The following BZW1 variants were observed in gnomAD, a reference collection of about 807,000 sequenced individuals.
BZW1 encodes basic leucine zipper and W2 domains 1.
BZW1 carries 3 observed loss-of-function variants against 54.1 expected under a neutral mutation model. The ratio of observed to expected loss-of-function variants is 0.06; its 90% CI spans 0.03 to 0.14. The LOEUF (loss-of-function observed/expected upper bound fraction) is 0.14, where lower values mean the gene tolerates loss of function less well. BZW1 is among the 10% of genes least tolerant of loss of function. The pLI is 1.00. For missense variants in BZW1, 206 were observed against 491.7 expected, an observed-to-expected ratio of 0.42 and a Z score of 5.50; for synonymous variants, 152 against 162.7, an observed-to-expected ratio of 0.93 and a Z score of 0.50.
chr2:200,820,286 TTTA>T, intron 10 of BZW1, 166 bp downstream of exon 10: 1 of 564,392 alleles, frequency 1.8e-6, no homozygotes, highest in Non-Finnish European at 3.0e-6. Context: ...CTGATACTTG[TTTA>T]AAACATCTAA....
chr2:200,818,084 G>A lies in BZW1; in HGVS notation c.648+1G>A. The A allele has an allele frequency of 6.5e-7, 1 of 1,545,890 alleles. No individual in the cohort carries two copies. The highest frequency in any genetic ancestry group is 8.7e-7 in the Non-Finnish European group (1 of 1,142,896). On this transcript the variant is annotated splice_donor_variant, in intron 7 of 11. Coordinates refer to ENST00000409600, the MANE Select transcript of BZW1 (RefSeq NM_001207067.2). LOFTEE classifies it high-confidence loss of function. ...AGTCAGCATGGATAACAGACTGATG[G>A]TTGGTAACTTTTTTTCATTCTTCCC...
At chr2:200,818,130 T>C in intron 7 of BZW1, 47 bp downstream of exon 7, 1 of 1,515,598 alleles carries the variant, frequency 6.6e-7, no homozygotes, top group Non-Finnish European at 8.9e-7. Flanking sequence ...AGGATGTAAA[T>C]GAGAGAAATT....
intron 9 of BZW1, 164 bp downstream of exon 9, chr2:200,819,065 C>G (rs531953587): frequency 1.2e-6 from 1 of 821,744 alleles, no homozygotes; most frequent in South Asian, 2.2e-5. Context: ...TGATAATGCT[C>G]TGAATTGGGC....
intron 8 of BZW1, 110 bp downstream of exon 8, chr2:200,818,503 ATG>A: frequency 2.3e-6 from 3 of 1,289,012 alleles, no homozygotes; most frequent in Non-Finnish European, 2.2e-6. Flanking sequence ...TAGTAACAGG[ATG>A]TTATACTGGA....
chr2:200,821,178 TC>T lies in BZW1; in HGVS notation c.1106-3del. ...CTCCCTTAATGCAATGAGTTTTCTT[TC>T]CAGCTGAAGTCCTGAGCGAGGAGCC... is the stretch of plus-strand genomic sequence containing the variant. On this transcript the variant is annotated splice_polypyrimidine_tract_variant and splice_region_variant and intron_variant, in intron 10 of 11. Transcript: ENST00000409600. 6.2e-7 allele frequency: 1 copy of T among 1,611,422 alleles called. No individual in the cohort carries two copies. The highest frequency in any genetic ancestry group is 8.5e-7 in the Non-Finnish European group (1 of 1,179,492).
intron 1 of BZW1, chr2:200,812,605 A>G (rs1362673241): frequency 7.3e-7 from 1 of 1,363,308 alleles, no homozygotes; most frequent in Non-Finnish European, 9.7e-7. Flanking sequence ...AAGGGTGTGG[A>G]TTGGGAGACA....
At chr2:200,817,935 G>A (rs1220216361) in intron 6 of BZW1, 39 bp from the exon 7 acceptor site, 2 of 1,386,544 alleles carry the variant, frequency 1.4e-6, no homozygotes, top group Non-Finnish European at 2.0e-6. Context: ...TTGAAACCAG[G>A]GAAGGTACTT....
rs538034646 is a variant in BZW1, at chr2:200,812,408, A to G, written c.-11+418A>G. On this transcript the variant is annotated intron_variant, in intron 1 of 11. Transcript: ENST00000409600. ...GCTGCTTTCGCTGGAGGGCGGGCGG[A>G]TGTACGGGGCGCCTGGGGCCCCGGC... The G allele has an allele frequency of 4.7e-6, 6 of 1,278,448 alleles. No individual in the cohort carries two copies. The African/African-American group carries it at 7.7e-5, about 16-fold the overall frequency. 79.2% of individuals were successfully genotyped at this position (1,278,448 alleles called of 1,614,324 possible).
intron 10 of BZW1, 26 bp from the exon 11 acceptor site, chr2:200,821,157 C>A: frequency 6.2e-7 from 1 of 1,610,330 alleles, no homozygotes; most frequent in South Asian, 1.1e-5. Flanking sequence ...TTAAAACTCC[C>A]TTAATGCAAT....
At position 200,827,126 on chromosome 2, in the gene BZW1, G is replaced by A. The variant is rs2038722450; in HGVS notation, c.*4948G>A. 1 of 152,102 alleles carries A rather than the reference G, an allele frequency of 6.6e-6. No individual in the cohort carries two copies. Among genetic ancestry groups the A allele is most frequent in the Non-Finnish European group, 1.5e-5 (1 of 68,034 alleles). The allele number at this position is 152,102 out of a possible 1,614,324, so 9.4% of individuals were successfully genotyped here. On this transcript the variant is annotated 3_prime_UTR_variant, in exon 12 of 12. Transcript: ENST00000409600. ...CACCTCATTTCCATTCTAGTTAGGA[G>A]CAATGGCGCCCAGGACGGCACACAG... is the stretch of plus-strand genomic sequence containing the variant.
chr2:200,815,319 T>TTTGGG (rs1483703778), intron 2 of BZW1, 22 bp from the exon 3 acceptor site: 2 of 1,574,454 alleles, frequency 1.3e-6, no homozygotes, highest in Non-Finnish European at 1.7e-6. Context: ...AACTAAATGT[T>TTTGGG]TTGGGTCCCT....
chr2:200,826,407 A>AGATTTTTT lies in BZW1; in HGVS notation c.*4229_*4230insGATTTTTT, dbSNP rs1559318394. 1 of 54,948 alleles carries AGATTTTTT rather than the reference A, an allele frequency of 1.8e-5. No homozygotes were observed. Among genetic ancestry groups the AGATTTTTT allele is most frequent in the African/African-American group, 8.5e-5 (1 of 11,774 alleles). 3.4% of individuals were successfully genotyped at this position (54,948 alleles called of 1,614,324 possible). ...TAGATAGATAGATAGATAGATAGAT[A>AGATTTTTT]TTTTTTTTTTTTTTTTTTTTTTTTT... is the stretch of plus-strand genomic sequence containing the variant. On this transcript the variant is annotated 3_prime_UTR_variant, in exon 12 of 12. Coordinates refer to ENST00000409600, the MANE Select transcript of BZW1 (RefSeq NM_001207067.2).
At chr2:200,813,327 C>G (rs1350407470) in intron 2 of BZW1, 46 bp downstream of exon 2, 9 of 1,509,354 alleles carry the variant, frequency 6.0e-6, no homozygotes, top group Non-Finnish European at 8.3e-6. Context: ...TCCAGAACAT[C>G]TTGTGTATCT....
At chr2:200,812,360 C>G in intron 1 of BZW1, 1 of 1,282,346 alleles carries the variant, frequency 7.8e-7, no homozygotes, top group Non-Finnish European at 9.8e-7. Flanking sequence ...CCACCCACCA[C>G]CGCTGCGGCC....
intron 10 of BZW1, 93 bp downstream of exon 10, chr2:200,820,213 C>G (rs1559314321): frequency 3.4e-6 from 4 of 1,165,804 alleles, no homozygotes; most frequent in Middle Eastern, 2.1e-4. Flanking sequence ...GACATCAGCT[C>G]CCTGAAATAT....
intron 1 of BZW1, 157 bp downstream of exon 1, chr2:200,812,147 C>T: frequency 9.2e-7 from 1 of 1,090,138 alleles, no homozygotes; most frequent in African/African-American, 1.6e-5. Flanking sequence ...CCTGAAAGGC[C>T]GCCGCTTCGG....
intron 5 of BZW1, 38 bp downstream of exon 5, chr2:200,816,428 T>C (rs1014008335): frequency 5.7e-6 from 8 of 1,401,254 alleles, no homozygotes; most frequent in Admixed American, 3.9e-5. Context: ...AAGAAAAAAA[T>C]AGGGTTAGAA....
At chr2:200,816,971 T>C in intron 5 of BZW1, 135 bp from the exon 6 acceptor site, 1 of 1,042,522 alleles carries the variant, frequency 9.6e-7, no homozygotes, top group South Asian at 1.6e-5. Flanking sequence ...ATGAGTATTG[T>C]AACTTAGATG....
intron 1 of BZW1, 103 bp from the exon 2 acceptor site, chr2:200,813,105 G>C: frequency 1.1e-6 from 1 of 901,046 alleles, no homozygotes; most frequent in South Asian, 1.4e-5. Context: ...CCTGAGAGTG[G>C]GTGTTCCATT....
Sources: allele counts gnomAD v4.1 joint callset, GRCh38; gene constraint gnomAD v4.1.1; transcripts MANE v1.5; gene names NCBI Gene and HGNC (gene_info 2026-07-23, HGNC 2026-07-21).